The following RAB2B variants were observed in gnomAD, a reference collection of about 807,000 sequenced individuals.
The protein encoded by RAB2B is RAB2B, member RAS oncogene family.
In RAB2B, 20 loss-of-function variants were observed where a neutral mutation model predicts 29.8. The observed-to-expected ratio is 0.67, with a 90% CI of 0.47 to 0.97. The LOEUF (loss-of-function observed/expected upper bound fraction) is 0.97. Among genes scored for constraint, RAB2B ranks in the 50% least tolerant of loss-of-function variants. The probability of loss-of-function intolerance (pLI) is 0.00; values close to 1 mark genes in which losing one functional copy is unlikely to be tolerated. For missense variants in RAB2B, 218 were observed against 272.0 expected, an observed-to-expected ratio of 0.80 and a Z score of 1.40; for synonymous variants, 93 against 91.7, an observed-to-expected ratio of 1.01 and a Z score of -0.08.
At position 21,461,070 on chromosome 14, in the gene RAB2B, G is replaced by T. The variant is rs1373792244; in HGVS notation, c.*126C>A. The stretch of plus-strand genomic sequence containing the variant: ...GCCCAAATTCTCTCCTGGTCTTTAG[G>T]TGGAAAGGCAAAACATCACACTTTA... On this transcript the variant is annotated 3_prime_UTR_variant, in exon 8 of 8. Transcript: ENST00000397762. The T allele has an allele frequency of 5.8e-6, 4 of 695,504 alleles. No individual in the cohort carries two copies. Among genetic ancestry groups the T allele is most frequent in the Non-Finnish European group, 7.4e-6 (3 of 404,090 alleles). The allele number at this position is 695,504 out of a possible 1,614,324, so 43.1% of individuals were successfully genotyped here. A position where few individuals can be genotyped will look rare whatever the true frequency, so the allele number is the denominator to read the frequency against.
intron 3 of RAB2B, among the ~76,000 whole-genome samples, chr14:21,472,058 T>C (rs1026309485): frequency 7.9e-5 from 12 of 152,176 alleles, no homozygotes; most frequent in African/African-American, 2.9e-4. Context: ...ATATACAGTT[T>C]GAAGTATCAA....
At chr14:21,462,239 T>C (rs140549631) in intron 7 of RAB2B, 111 bp downstream of exon 7, 13,666 of 817,704 alleles carry the variant, frequency 0.017, 175 homozygotes, top group Non-Finnish European at 0.021. Context: ...TTGGCAGAGC[T>C]TTTAAATTGT....
chr14:21,462,424 A>C lies in RAB2B; in HGVS notation c.475-6T>G. The C allele has an allele frequency of 6.2e-7, 1 of 1,611,748 alleles. No homozygotes were observed. Among genetic ancestry groups the C allele is most frequent in the Non-Finnish European group, 8.5e-7 (1 of 1,178,300 alleles). ...TTGGCTGTGTTAATGAAGGCCTGAA[A>C]GAGACATAAATCGTATCATCAGTCT... is the stretch of plus-strand genomic sequence containing the variant. On this transcript the variant is annotated splice_polypyrimidine_tract_variant and splice_region_variant and intron_variant, in intron 6 of 7. Coordinates refer to ENST00000397762, the MANE Select transcript of RAB2B (RefSeq NM_032846.4).
chr14:21,461,429 A>G, intron 7 of RAB2B, 126 bp from the exon 8 acceptor site: 1 of 615,094 alleles, frequency 1.6e-6, no homozygotes, highest in South Asian at 2.4e-5. Flanking sequence ...AGAAATCATT[A>G]ATTATATTTT....
intron 7 of RAB2B, 149 bp downstream of exon 7, chr14:21,462,201 T>TA: frequency 5.6e-6 from 3 of 538,558 alleles, no homozygotes; most frequent in Non-Finnish European, 9.0e-6. Context: ...GTACCTAGAT[T>TA]TAAAAAAAAA....
intron 4 of RAB2B, 29 bp downstream of exon 4, chr14:21,468,641 C>A (rs1594411989): frequency 3.4e-6 from 5 of 1,464,468 alleles, no homozygotes; most frequent in African/African-American, 1.4e-5. Context: ...AGGGAAGAAT[C>A]TCCCTCCCAT....
At chr14:21,469,139 G>A (rs984228719) in intron 3 of RAB2B, among the ~76,000 whole-genome samples, 16 of 151,958 alleles carry the variant, frequency 1.1e-4, no homozygotes, top group African/African-American at 3.1e-4. Flanking sequence ...GACTGGAAAC[G>A]GAGTGTATGT....
intron 7 of RAB2B, 98 bp downstream of exon 7, chr14:21,462,251 TA>T: frequency 1.1e-6 from 1 of 934,680 alleles, no homozygotes. Flanking sequence ...TTAAATTGTA[TA>T]ATGATAGATG....
At chr14:21,462,561 T>TG (rs1405544460) in intron 6 of RAB2B, 143 bp from the exon 7 acceptor site, 6 of 759,130 alleles carry the variant, frequency 7.9e-6, no homozygotes, top group Non-Finnish European at 2.0e-6. Flanking sequence ...GAAGGTCGGT[T>TG]GGGTGCGGTG....
chr14:21,462,592 C>A (rs59617955), intron 6 of RAB2B, among the ~76,000 whole-genome samples, 174 bp from the exon 7 acceptor site: 30,078 of 151,974 alleles, frequency 0.2, 3,905 homozygotes, highest in African/African-American at 0.36. Flanking sequence ...GTAATCCCAG[C>A]ACTTTGGGAG....
At chr14:21,462,238 C>A in intron 7 of RAB2B, 112 bp downstream of exon 7, 3 of 729,744 alleles carry the variant, frequency 4.1e-6, no homozygotes, top group South Asian at 3.2e-5. Flanking sequence ...ATTGGCAGAG[C>A]TTTTAAATTG....
chr14:21,474,967 T>C (rs747558445), intron 2 of RAB2B, 33 bp from the exon 3 acceptor site: 2 of 1,594,122 alleles, frequency 1.3e-6, no homozygotes, highest in Admixed American at 3.3e-5. Context: ...AGAATGTGAT[T>C]CTCACGAACA....
chr14:21,461,100 G>A lies in RAB2B; in HGVS notation c.*96C>T. 1.2e-6 allele frequency: 1 copy of A among 855,688 alleles called. No homozygotes were observed. The highest frequency in any genetic ancestry group is 1.9e-6 in the Non-Finnish European group (1 of 538,836). The allele number at this position is 855,688 out of a possible 1,614,324, so 53.0% of individuals were successfully genotyped here. A position where few individuals can be genotyped will look rare whatever the true frequency, so the allele number is the denominator to read the frequency against. Reference sequence around the variant, plus strand: ...AAGGCAAAACATCACACTTTAAAAAGAGGCTGCTCTCAGCCAAAGCAAGAA... The same window carrying A: ...AAGGCAAAACATCACACTTTAAAAAAAGGCTGCTCTCAGCCAAAGCAAGAA... On this transcript the variant is annotated 3_prime_UTR_variant, in exon 8 of 8. Coordinates refer to ENST00000397762, the MANE Select transcript of RAB2B (RefSeq NM_032846.4).
intron 2 of RAB2B, among the ~76,000 whole-genome samples, chr14:21,475,863 T>C (rs925676653): frequency 6.6e-6 from 1 of 152,162 alleles, no homozygotes; most frequent in African/African-American, 2.4e-5. Flanking sequence ...AGAATGGGGA[T>C]GTAGGGGTTT....
chr14:21,476,490 GTTTT>G, intron 2 of RAB2B, 34 bp downstream of exon 2: 1 of 1,612,502 alleles, frequency 6.2e-7, no homozygotes, highest in Non-Finnish European at 8.5e-7. Context: ...AGCTAGTCAG[GTTTT>G]ATCATCTGTT....
intron 5 of RAB2B, among the ~76,000 whole-genome samples, chr14:21,464,674 A>G (rs1890646054): frequency 6.6e-6 from 1 of 152,198 alleles, no homozygotes; most frequent in Admixed American, 6.5e-5. Flanking sequence ...AAAAGGGAAT[A>G]AAAATGGCAA....
At chr14:21,468,600 A>G in intron 4 of RAB2B, 70 bp downstream of exon 4, 1 of 1,303,752 alleles carries the variant, frequency 7.7e-7, no homozygotes, top group East Asian at 2.3e-5. Flanking sequence ...GAATCAGTAG[A>G]TAGAAAAAAA....
chr14:21,463,625 A>C (rs1890618591), intron 6 of RAB2B, 31 bp downstream of exon 6: 47 of 1,347,426 alleles, frequency 3.5e-5, no homozygotes, highest in Middle Eastern at 1.8e-4. Context: ...TAATCTCTAA[A>C]GAGCTTTCCC....
chr14:21,462,178 G>A (rs1206397382), intron 7 of RAB2B, among the ~76,000 whole-genome samples, 172 bp downstream of exon 7: 1 of 146,888 alleles, frequency 6.8e-6, no homozygotes, highest in African/African-American at 2.5e-5. Flanking sequence ...AGAAAATGAT[G>A]ACAGGTCTCT....
Sources: allele counts gnomAD v4.1 joint callset (sites outside exome capture counted in the v4.1 genomes callset), GRCh38; gene constraint gnomAD v4.1.1; transcripts MANE v1.5; gene names NCBI Gene and HGNC (gene_info 2026-07-23, HGNC 2026-07-21).